The following EGFLAM variants were observed in gnomAD, a reference collection of about 807,000 sequenced individuals.
EGFLAM encodes EGF like, fibronectin type III and laminin G domains.
Under a neutral mutation model 113.1 loss-of-function variants are expected in EGFLAM, and 79 were observed. The observed-to-expected ratio is 0.70, with a 90% confidence interval of 0.58 to 0.84. The LOEUF is 0.84. EGFLAM is among the 40% of genes least tolerant of loss of function. EGFLAM has a pLI of 0.00. For synonymous variants in EGFLAM, 504 were observed against 487.6 expected (o/e 1.03, Z -0.44); for missense variants, 1,265 against 1,291.6 (o/e 0.98, Z 0.32).
chr5:38,423,597 A>G (rs1741906625), intron 12 of EGFLAM, among the ~76,000 whole-genome samples: 1 of 152,124 alleles, frequency 6.6e-6, no homozygotes, highest in African/African-American at 2.4e-5. Flanking sequence ...GGGCTCAGGG[A>G]CCTTTGAGAG....
intron 1 of EGFLAM, among the ~76,000 whole-genome samples, chr5:38,259,859 AATTT>A (rs2111671169): frequency 6.6e-6 from 1 of 152,334 alleles, no homozygotes; most frequent in East Asian, 1.9e-4. Flanking sequence ...AAGCTAGGAA[AATTT>A]ATCAGAGGGC....
intron 17 of EGFLAM, 140 bp downstream of exon 17, chr5:38,438,595 C>T (rs947896931): frequency 2.5e-6 from 2 of 815,794 alleles, no homozygotes; most frequent in Non-Finnish European, 3.5e-6. Context: ...ATTTCAATAA[C>T]TTATTAGATG....
intron 1 of EGFLAM, among the ~76,000 whole-genome samples, chr5:38,316,201 G>C (rs989179039): frequency 6.6e-6 from 1 of 151,938 alleles, no homozygotes; most frequent in Non-Finnish European, 1.5e-5. Flanking sequence ...TTGGTTGCTT[G>C]GTTTGCTTGG....
intron 1 of EGFLAM, among the ~76,000 whole-genome samples, chr5:38,317,929 G>T (rs1337232050): frequency 6.6e-6 from 1 of 152,228 alleles, no homozygotes; most frequent in Non-Finnish European, 1.5e-5. Context: ...CTGGAGGCCA[G>T]TGTTGGCAGG....
In EGFLAM at chr5:38,463,965, C is replaced by T; in HGVS notation, c.3009C>T (p.Ile1003=). ...AAGATGCCGTGGATGGGAAAAACAT[C>T]AACACTTGTGGAGCCAAGTAACACC... is the stretch of plus-strand genomic sequence containing the variant. ...LVEDAVDGKN[I]NTCGAK Residue 1003 remains isoleucine (I), a synonymous_variant, in exon 22 of 22, where the codon ATC becomes ATT. Transcript: ENST00000322350. The T allele has an allele frequency of 6.2e-7, 1 of 1,614,236 alleles. No homozygotes were observed. Among genetic ancestry groups the T allele is most frequent in the Non-Finnish European group, 8.5e-7 (1 of 1,180,054 alleles).
intron 2 of EGFLAM, among the ~76,000 whole-genome samples, chr5:38,337,906 G>T (rs1007578940): frequency 6.6e-6 from 1 of 152,136 alleles, no homozygotes; most frequent in Non-Finnish European, 1.5e-5. Flanking sequence ...CTATTCAGTT[G>T]CCTATAGTCA....
chr5:38,438,813 A>C (rs1742441859), intron 17 of EGFLAM, among the ~76,000 whole-genome samples: 2 of 152,202 alleles, frequency 1.3e-5, no homozygotes, highest in Non-Finnish European at 2.9e-5. Context: ...ATCCTGATAG[A>C]TGAATGCCTA....
intron 3 of EGFLAM, among the ~76,000 whole-genome samples, chr5:38,340,555 C>A (rs558045882): frequency 1.3e-5 from 2 of 152,256 alleles, no homozygotes; most frequent in African/African-American, 4.8e-5. Flanking sequence ...AAAACCACAT[C>A]CACACAGATA....
intron 6 of EGFLAM, among the ~76,000 whole-genome samples, chr5:38,371,636 A>G (rs543031258): frequency 6.6e-6 from 1 of 151,386 alleles, no homozygotes; most frequent in Non-Finnish European, 1.5e-5. Flanking sequence ...ACACACACAC[A>G]CGCACACACA....
Position 38,464,859 on chromosome 5 carries a change from T to G in EGFLAM, c.*873T>G, listed in dbSNP as rs1457414155. On this transcript the variant is annotated 3_prime_UTR_variant, in exon 22 of 22. Transcript: ENST00000322350. The stretch of plus-strand genomic sequence containing the variant: ...CAACTTGGGGAGCTGACCATTCTCT[T>G]TTGGTAAATGTTGACGGCTCAAGAG... 11 of 152,174 alleles carry G rather than the reference T, an allele frequency of 7.2e-5. No individual in the cohort carries two copies. The highest frequency in any genetic ancestry group is 1.3e-4 in the Non-Finnish European group (9 of 68,040). 9.4% of individuals were successfully genotyped at this position (152,174 alleles called of 1,614,324 possible).
intron 5 of EGFLAM, among the ~76,000 whole-genome samples, chr5:38,353,687 C>T (rs1739687406): frequency 2.0e-5 from 3 of 152,222 alleles, no homozygotes; most frequent in African/African-American, 2.4e-5. Flanking sequence ...AATGCATCAG[C>T]TCCTGTAACT....
At chr5:38,313,619 T>G (rs1738512455) in intron 1 of EGFLAM, among the ~76,000 whole-genome samples, 1 of 152,202 alleles carries the variant, frequency 6.6e-6, no homozygotes, top group Non-Finnish European at 1.5e-5. Flanking sequence ...GTAAAATAAC[T>G]AATCAAAACA....
At chr5:38,395,862 C>T (rs1247572918) in intron 6 of EGFLAM, among the ~76,000 whole-genome samples, 11 of 152,136 alleles carry the variant, frequency 7.2e-5, no homozygotes, top group Admixed American at 5.9e-4. Context: ...TGTCAATTTT[C>T]GGTTAGTTAC....
intron 1 of EGFLAM, among the ~76,000 whole-genome samples, chr5:38,267,362 C>T (rs1757658443): frequency 6.6e-6 from 1 of 152,326 alleles, no homozygotes; most frequent in Non-Finnish European, 1.5e-5. Flanking sequence ...TTTTCTGTAA[C>T]ATCTGGGCAC....
chr5:38,343,624 A>G (rs1342523892), intron 3 of EGFLAM, among the ~76,000 whole-genome samples: 2 of 152,156 alleles, frequency 1.3e-5, no homozygotes, highest in Non-Finnish European at 1.5e-5. Context: ...TGACCAGGGA[A>G]TAGAAATCCT....
chr5:38,429,317 C>T (rs1408533234), intron 14 of EGFLAM, among the ~76,000 whole-genome samples: 1 of 152,204 alleles, frequency 6.6e-6, no homozygotes, highest in Non-Finnish European at 1.5e-5. Context: ...TTCTTTATTG[C>T]ATATTGATTT....
intron 6 of EGFLAM, among the ~76,000 whole-genome samples, chr5:38,378,753 T>C (rs1349002354): frequency 6.6e-6 from 1 of 152,184 alleles, no homozygotes; most frequent in African/African-American, 2.4e-5. Flanking sequence ...TCTTACTACC[T>C]TGCTGTGGGA....
intron 5 of EGFLAM, among the ~76,000 whole-genome samples, chr5:38,360,648 C>T (rs1280033147): frequency 1.3e-5 from 2 of 152,080 alleles, no homozygotes; most frequent in African/African-American, 4.8e-5. Context: ...TTACTTGCTT[C>T]ATGGGGTTAT....
chr5:38,459,446 C>CTT (rs1743201355), intron 20 of EGFLAM, among the ~76,000 whole-genome samples: 1 of 152,136 alleles, frequency 6.6e-6, no homozygotes. Context: ...CTTTGCTCTT[C>CTT]TTTATATAAT....
Sources: gnomAD v4.1 joint callset for allele counts (sites outside exome capture counted in the v4.1 genomes callset) on GRCh38, gnomAD v4.1.1 for gene constraint, MANE v1.5 for transcripts, NCBI Gene and HGNC (gene_info 2026-07-23, HGNC 2026-07-21) for gene names.